DOCK2: variants seen among roughly 807,000 people sequenced by gnomAD.
DOCK2 encodes dedicator of cytokinesis 2.
A neutral mutation model predicts 248.9 loss-of-function variants in DOCK2; 87 were observed. The ratio of observed to expected loss-of-function variants is 0.35; its 90% CI spans 0.29 to 0.42. The LOEUF is 0.42. Among genes scored for constraint, DOCK2 ranks in the 10% least tolerant of loss-of-function variants. The pLI is 1.00. For missense variants in DOCK2, 1,747 were observed against 2,300.2 expected, an observed-to-expected ratio of 0.76 and a Z score of 4.92; for synonymous variants, 805 against 821.6, an observed-to-expected ratio of 0.98 and a Z score of 0.35.
In DOCK2 at chr5:169,689,276, C is replaced by A. The variant is rs754286243; in HGVS notation, c.786C>A (p.Gly262=). The change falls in exon 9 of 52, where the codon GGC becomes GGA. Residue 262 remains glycine (G), a synonymous_variant. Coordinates refer to ENST00000520908, the MANE Select transcript of DOCK2 (RefSeq NM_004946.3). ...GTGAGAACTACCTAGTGCGATGGGG[C>A]AGCCGGGGCTTCCCTAAGGAGATTG... ...VISENYLVRW[G]SRGFPKEIEM... 7 of 1,614,088 alleles carry A rather than the reference C, an allele frequency of 4.3e-6. No homozygotes were observed. The highest frequency in any genetic ancestry group is 1.3e-5 in the African/African-American group (1 of 75,048).
chr5:169,752,664 T>C (rs536792739), intron 23 of DOCK2, among the ~76,000 whole-genome samples: 1 of 152,178 alleles, frequency 6.6e-6, no homozygotes, highest in East Asian at 1.9e-4. Context: ...CTCAGGAAGC[T>C]GAGGCAGGAA....
chr5:169,890,053 G>A (rs1773194885), intron 27 of DOCK2, among the ~76,000 whole-genome samples: 1 of 152,208 alleles, frequency 6.6e-6, no homozygotes, highest in Non-Finnish European at 1.5e-5. Context: ...CATTATCCCT[G>A]TTTTAAAGAA....
chr5:169,728,755 T>C (rs555693064), intron 22 of DOCK2, among the ~76,000 whole-genome samples: 4 of 152,310 alleles, frequency 2.6e-5, no homozygotes, highest in African/African-American at 9.6e-5. Context: ...GATTGCCTTT[T>C]TCCAGGGTGT....
intron 23 of DOCK2, among the ~76,000 whole-genome samples, chr5:169,752,965 T>C (rs1456497368): frequency 6.6e-6 from 1 of 152,076 alleles, no homozygotes; most frequent in African/African-American, 2.4e-5. Flanking sequence ...TTCGGGAGGC[T>C]GAGGTAGGAG....
At chr5:169,664,758 G>A (rs182115680) in intron 2 of DOCK2, among the ~76,000 whole-genome samples, 8 of 152,150 alleles carry the variant, frequency 5.3e-5, no homozygotes, top group East Asian at 1.9e-4. Flanking sequence ...AATCACCTCC[G>A]ACCAGGTCCC....
intron 27 of DOCK2, among the ~76,000 whole-genome samples, chr5:169,950,108 G>T (rs1776599208): frequency 6.6e-6 from 1 of 152,180 alleles, no homozygotes; most frequent in Admixed American, 6.6e-5. Context: ...TCAGTAGATG[G>T]TGGTGGCCTT....
At chr5:169,797,483 G>A (rs1016544296) in intron 25 of DOCK2, among the ~76,000 whole-genome samples, 1 of 152,234 alleles carries the variant, frequency 6.6e-6, no homozygotes, top group African/African-American at 2.4e-5. Context: ...CAGGTAGGTA[G>A]CACTGACCGC....
Position 169,759,700 on chromosome 5 carries a change from C to G in DOCK2, c.2377-5C>G. 1 of 1,613,998 alleles carries G rather than the reference C, an allele frequency of 6.2e-7. No homozygotes were observed. The highest frequency in any genetic ancestry group is 8.5e-7 in the Non-Finnish European group (1 of 1,179,878). On this transcript the variant is annotated splice_polypyrimidine_tract_variant and splice_region_variant and intron_variant, in intron 23 of 51. Transcript: ENST00000520908. ...TCACTTATATGTATTTTACATTCCA[C>G]CTAGGTGGCGGCTTTGAAATACATC... is the stretch of plus-strand genomic sequence containing the variant.
intron 27 of DOCK2, among the ~76,000 whole-genome samples, chr5:169,933,429 C>A (rs555727521): frequency 1.3e-5 from 2 of 152,314 alleles, no homozygotes; most frequent in South Asian, 4.1e-4. Context: ...TTGAGAGTGG[C>A]TGCTATAGAA....
chr5:169,883,753 G>A (rs192446755), intron 27 of DOCK2: 421 of 1,551,678 alleles, frequency 2.7e-4, no homozygotes, highest in East Asian at 2.2e-3. Flanking sequence ...AGCTAGGCCA[G>A]TTGGATTCTT....
At chr5:169,758,742 CTT>C (rs1395257478) in intron 23 of DOCK2, among the ~76,000 whole-genome samples, 1 of 152,168 alleles carries the variant, frequency 6.6e-6, no homozygotes, top group Non-Finnish European at 1.5e-5. Context: ...TATTAGCAGT[CTT>C]TGGTACAGCT....
intron 44 of DOCK2, among the ~76,000 whole-genome samples, chr5:170,062,304 A>T (rs1757361445): frequency 2.0e-5 from 3 of 152,252 alleles, no homozygotes; most frequent in South Asian, 2.1e-4. Flanking sequence ...AACATAGCAG[A>T]CTAGGAAGCT....
intron 1 of DOCK2, among the ~76,000 whole-genome samples, chr5:169,650,628 T>C (rs746402465): frequency 1.2e-4 from 19 of 152,224 alleles, no homozygotes; most frequent in African/African-American, 4.3e-4. Flanking sequence ...AGAAGTTCCA[T>C]CTGCCTCAAA....
chr5:169,996,901 C>G (rs1019976560), intron 30 of DOCK2, among the ~76,000 whole-genome samples: 1 of 152,106 alleles, frequency 6.6e-6, no homozygotes, highest in South Asian at 2.1e-4. Flanking sequence ...CCCTCCACAC[C>G]TGTGGGTGTT....
intron 33 of DOCK2, among the ~76,000 whole-genome samples, chr5:170,027,611 C>T (rs1363892597): frequency 6.6e-6 from 1 of 152,190 alleles, no homozygotes; most frequent in Non-Finnish European, 1.5e-5. Context: ...TCTCCCTCTC[C>T]TGCACTCGCG....
chr5:169,680,818 C>T (rs1759617776), intron 6 of DOCK2, among the ~76,000 whole-genome samples: 1 of 152,128 alleles, frequency 6.6e-6, no homozygotes, highest in Non-Finnish European at 1.5e-5. Flanking sequence ...CACAGATAAC[C>T]TGTGTTGGTA....
At chr5:169,986,479 G>A (rs143256368) in intron 29 of DOCK2, among the ~76,000 whole-genome samples, 1 of 152,308 alleles carries the variant, frequency 6.6e-6, no homozygotes, top group African/African-American at 2.4e-5. Flanking sequence ...CACTATCAGT[G>A]TAACCCAAGT....
chr5:169,699,451 A>T lies in DOCK2; in HGVS notation c.1125A>T (p.Gly375=). The T allele has an allele frequency of 6.2e-7, 1 of 1,612,238 alleles. No homozygotes were observed. The highest frequency in any genetic ancestry group is 8.5e-7 in the Non-Finnish European group (1 of 1,178,930). The change falls in exon 12 of 52, where the codon GGA becomes GGT. Residue 375 remains glycine, a synonymous_variant. Transcript: ENST00000520908. The stretch of plus-strand genomic sequence containing the variant: ...TCATAGCCTCCAAGGGGGACAGTGG[A>T]GGGCAAGGTAAAGTGCCAATATGCC... ...GKVIASKGDS[G]GQGLWVTMKM...
chr5:169,790,439 A>G (rs1766263768), intron 25 of DOCK2, among the ~76,000 whole-genome samples: 1 of 152,232 alleles, frequency 6.6e-6, no homozygotes, highest in Non-Finnish European at 1.5e-5. Context: ...CTGTCCACAT[A>G]CAAAAGGGAA....
Sources: gnomAD v4.1 joint callset for allele counts (sites outside exome capture counted in the v4.1 genomes callset) on GRCh38, gnomAD v4.1.1 for gene constraint, MANE v1.5 for transcripts, NCBI Gene and HGNC (gene_info 2026-07-23, HGNC 2026-07-21) for gene names.